AGT: variants seen among roughly 807,000 people sequenced by gnomAD.
AGT encodes alpha-1 antiproteinase, antitrypsin.
In AGT, 26 loss-of-function variants were observed where a neutral mutation model predicts 28.1. The observed-to-expected ratio is 0.92, with a 90% CI of 0.68 to 1.28. The LOEUF is 1.28. AGT is among the 50% of genes most tolerant of loss of function. The probability of loss-of-function intolerance (pLI) is 0.00; values close to 1 mark genes in which losing one functional copy is unlikely to be tolerated. For synonymous variants in AGT, 259 were observed against 259.6 expected, an observed-to-expected ratio of 1.00 and a Z score of 0.02; for missense variants, 596 against 592.3, an observed-to-expected ratio of 1.01 and a Z score of -0.06.
chr1:230,742,968 A>G (rs904009786), intron 1 of AGT, among the ~76,000 whole-genome samples: 2 of 151,980 alleles, frequency 1.3e-5, no homozygotes, highest in South Asian at 4.2e-4. Context: ...ACCAATTTAC[A>G]CTCCCTTCAG....
intron 1 of AGT, among the ~76,000 whole-genome samples, chr1:230,745,236 G>A (rs1370778384): frequency 6.6e-6 from 1 of 152,174 alleles, no homozygotes; most frequent in Non-Finnish European, 1.5e-5. Context: ...GGAGTGGCAG[G>A]GGGTGCAGAG....
At chr1:230,731,676 GC>G (rs1354719408) in intron 1 of AGT, among the ~76,000 whole-genome samples, 1 of 152,114 alleles carries the variant, frequency 6.6e-6, no homozygotes, top group African/African-American at 2.4e-5. Flanking sequence ...GACCAGTCTG[GC>G]CAACATGGTG....
intron 1 of AGT, among the ~76,000 whole-genome samples, chr1:230,721,698 G>T (rs886322148): frequency 2.6e-5 from 4 of 152,186 alleles, no homozygotes; most frequent in African/African-American, 9.7e-5. Flanking sequence ...AACTTATTGG[G>T]AACTGGAGCA....
intron 2 of AGT, among the ~76,000 whole-genome samples, chr1:230,707,658 G>A (rs1279854634): frequency 1.3e-5 from 2 of 152,244 alleles, no homozygotes; most frequent in Admixed American, 1.3e-4. Flanking sequence ...CCTCGGTGCT[G>A]CCCACCTGGG....
rs1663546708 is a variant in AGT at position 230,710,452 on chromosome 1, GA to G, written c.371del (p.Val124AlafsTer59). ...ELWGVVHGAT[V>X]LSPTAVFGTL... ...TGCCAAAGACAGCCGTTGGGGAGAG[GA>G]CGGTGGCCCCATGGACCACGCCCCA... On this transcript the variant is annotated frameshift_variant, in exon 2 of 5. Transcript: ENST00000366667. LOFTEE classifies it high-confidence loss of function. 4 of 1,614,226 alleles carry G rather than the reference GA, an allele frequency of 2.5e-6. No homozygotes were observed. The highest frequency in any genetic ancestry group is 2.5e-6 in the Non-Finnish European group (3 of 1,180,038).
At chr1:230,705,240 G>A (rs1477390466) in intron 3 of AGT, among the ~76,000 whole-genome samples, 3 of 152,126 alleles carry the variant, frequency 2.0e-5, no homozygotes, top group South Asian at 2.1e-4. Flanking sequence ...AAATGGTTAC[G>A]ATGGCAAATT....
At chr1:230,714,818 C>G (rs1170127873), upstream of AGT, among the ~76,000 whole-genome samples, 2 of 152,160 alleles carry the variant, frequency 1.3e-5, no homozygotes, top group Non-Finnish European at 2.9e-5. Context: ...GTACAAATTG[C>G]AAATGGTAAG....
rs1429393213 is a variant in AGT at position 230,725,252 on chromosome 1, A to C, written c.-30-14399T>G. On this transcript the variant is annotated intron_variant, in intron 1 of 4. Transcript: ENST00000681269. Reference sequence around the variant, plus strand: ...AAATCTGAGTAAAATACTGTTATGTAAAATGTGAATTATCCAATGTCCTCA... The same window carrying C: ...AAATCTGAGTAAAATACTGTTATGTCAAATGTGAATTATCCAATGTCCTCA... 2.0e-5 allele frequency among the ~76,000 whole-genome samples: 3 copies of C among 152,218 alleles called. No individual in the cohort carries two copies. The East Asian group carries it at 5.8e-4, about 29-fold the overall frequency.
At chr1:230,739,769 C>G (rs1664214459) in intron 1 of AGT, among the ~76,000 whole-genome samples, 2 of 152,096 alleles carry the variant, frequency 1.3e-5, no homozygotes, top group South Asian at 4.2e-4. Flanking sequence ...TGGTAAGATT[C>G]ACCCTGACCT....
intron 1 of AGT, among the ~76,000 whole-genome samples, chr1:230,744,384 C>T (rs374387597): frequency 6.6e-6 from 1 of 152,204 alleles, no homozygotes; most frequent in African/African-American, 2.4e-5. Context: ...GGATTAGACG[C>T]TAAGACAAAG....
chr1:230,716,542 G>A (rs564606890), upstream of AGT, among the ~76,000 whole-genome samples: 66 of 152,312 alleles, frequency 4.3e-4, no homozygotes, highest in East Asian at 0.011. Context: ...CCCAGTGGGA[G>A]GTAATTGAAT....
At chr1:230,709,106 C>A (rs557166842) in intron 2 of AGT, among the ~76,000 whole-genome samples, 3 of 152,336 alleles carry the variant, frequency 2.0e-5, no homozygotes, top group Admixed American at 2.0e-4. Flanking sequence ...CCCTGAGTTA[C>A]CTTGTGGAGC....
upstream of AGT, among the ~76,000 whole-genome samples, chr1:230,714,536 G>T (rs962578853): frequency 6.6e-6 from 1 of 152,184 alleles, no homozygotes; most frequent in Non-Finnish European, 1.5e-5. Context: ...GCAGGGGAGA[G>T]TCTTGCTTAG....
Position 230,703,112 on chromosome 1 carries a change from G to C in AGT, c.*29C>G. The C allele has an allele frequency of 6.2e-7, 1 of 1,610,910 alleles. No individual in the cohort carries two copies. On this transcript the variant is annotated 3_prime_UTR_variant, in exon 5 of 5. Transcript: ENST00000366667. The stretch of plus-strand genomic sequence containing the variant: ...CTCAAAGGCCAGGGGCAGAGGCCTT[G>C]CCAGGCACTGTGTTCTGGGGCCCTG...
intron 1 of AGT, among the ~76,000 whole-genome samples, chr1:230,734,040 C>T (rs533602760): frequency 7.2e-4 from 110 of 152,218 alleles, no homozygotes; most frequent in Non-Finnish European, 1.2e-3. Flanking sequence ...TTCTCTTTCT[C>T]TTTTATAGAT....
chr1:230,718,172 T>G (rs910995058), upstream of AGT, among the ~76,000 whole-genome samples: 2 of 152,182 alleles, frequency 1.3e-5, no homozygotes, highest in Non-Finnish European at 2.9e-5. Flanking sequence ...CTTGAACTAC[T>G]GGTCTCAAGT....
At chr1:230,706,272 C>G in intron 2 of AGT, 72 bp from the exon 3 acceptor site, 2 of 1,537,164 alleles carry the variant, frequency 1.3e-6, no homozygotes, top group Admixed American at 3.6e-5. Context: ...CTGGCAGACA[C>G]CAAAGGCCCA....
Position 230,710,297 on chromosome 1 carries a change from T to A in AGT, c.527A>T (p.Gln176Leu). Reference sequence around the variant, plus strand: ...GGCCACTAGCAGGCCCTGTACAGCCTGCAGGGCAGACAGGACCTTGTGCGC... The same window carrying A: ...GGCCACTAGCAGGCCCTGTACAGCCAGCAGGGCAGACAGGACCTTGTGCGC... ...LDAHKVLSAL[Q>L]AVQGLLVAQG... The change falls in exon 2 of 5, where the codon CAG (glutamine) becomes CTG (leucine). Residue 176 changes from glutamine (Q) to leucine (L), a missense_variant. Transcript: ENST00000366667. 1 of 1,613,972 alleles carries A rather than the reference T, an allele frequency of 6.2e-7. No homozygotes were observed. The highest frequency in any genetic ancestry group is 8.5e-7 in the Non-Finnish European group (1 of 1,180,016).
At chr1:230,712,117 G>A (rs922034266) in intron 1 of AGT, among the ~76,000 whole-genome samples, 5 of 152,200 alleles carry the variant, frequency 3.3e-5, no homozygotes, top group Non-Finnish European at 7.3e-5. Flanking sequence ...GGAGGGGGGT[G>A]TACTGCAATA....
Sources: allele counts gnomAD v4.1 joint callset (sites outside exome capture counted in the v4.1 genomes callset), GRCh38; gene constraint gnomAD v4.1.1; transcripts MANE v1.5; gene names NCBI Gene and HGNC (gene_info 2026-07-23, HGNC 2026-07-21).